The following BCL2L14 variants were observed in gnomAD, a reference collection of about 807,000 sequenced individuals.
BCL2L14 encodes apoptosis facilitator Bcl-2-like protein 14.
BCL2L14 carries 27 observed loss-of-function variants against 35.3 expected under a neutral mutation model. The observed-to-expected ratio is 0.76, with a 90% CI of 0.56 to 1.05. The LOEUF (loss-of-function observed/expected upper bound fraction) is 1.05. Among genes scored for constraint, BCL2L14 ranks in the 50% least tolerant of loss-of-function variants. BCL2L14 has a pLI of 0.00. For missense variants in BCL2L14, 377 were observed against 382.6 expected (o/e 0.99, Z 0.12); for synonymous variants, 139 against 145.9 (o/e 0.95, Z 0.34).
At chr12:12,081,597 C>G (rs574564048) in intron 2 of BCL2L14, among the ~76,000 whole-genome samples, 1 of 149,100 alleles carries the variant, frequency 6.7e-6, no homozygotes, top group South Asian at 2.1e-4. Flanking sequence ...CTTGCTCTGT[C>G]GCCCAGGCTG....
intron 2 of BCL2L14, among the ~76,000 whole-genome samples, chr12:12,057,755 T>TAAAAA (rs370379966): frequency 3.4e-4 from 41 of 120,364 alleles, no homozygotes; most frequent in African/African-American, 1.3e-3. Flanking sequence ...AAAACTCCAT[T>TAAAAA]AAAAAAAAAA....
At chr12:12,050,807 A>AAAAG (rs1565431457) in intron 1 of BCL2L14, among the ~76,000 whole-genome samples, 2 of 145,082 alleles carry the variant, frequency 1.4e-5, no homozygotes, top group African/African-American at 2.5e-5. Flanking sequence ...AAAAAAAAAA[A>AAAAG]AAAAAAGAAA....
Position 12,061,161 on chromosome 12 carries a change from A to G in BCL2L14, c.-272+9314A>G, listed in dbSNP as rs563244887. On this transcript the variant is annotated intron_variant, in intron 2 of 3. Coordinates refer to the BCL2L14 transcript ENST00000461264. Reference sequence around the variant, plus strand: ...TCCCTTATTAGACTGAGACACTTTAACTAAATTATCTGCTTCCCTGACTAT... The same window carrying G: ...TCCCTTATTAGACTGAGACACTTTAGCTAAATTATCTGCTTCCCTGACTAT... Among the ~76,000 whole-genome samples, 34 of 145,188 alleles carry G rather than the reference A, an allele frequency of 2.3e-4. No homozygotes were observed. The South Asian group carries it at 3.5e-3, about 15-fold the overall frequency.
intron 4 of BCL2L14, among the ~76,000 whole-genome samples, chr12:12,093,228 T>G (rs996027918): frequency 6.6e-6 from 1 of 152,114 alleles, no homozygotes; most frequent in Non-Finnish European, 1.5e-5. Context: ...TAAGTGAACA[T>G]TGCATGCAAG....
At chr12:12,095,127 T>C in intron 5 of BCL2L14, 197 bp downstream of exon 5, 1 of 985,364 alleles carries the variant, frequency 1.0e-6, no homozygotes, top group Non-Finnish European at 1.2e-6. Context: ...AAATATTTAC[T>C]GAGCTCTCCA....
At chr12:12,060,884 C>G (rs1490913116) in intron 2 of BCL2L14, among the ~76,000 whole-genome samples, 3 of 14,450 alleles carry the variant, frequency 2.1e-4, no homozygotes, top group Non-Finnish European at 4.1e-4. Flanking sequence ...CTTCGGAAGT[C>G]CCGTAGACCA....
chr12:12,058,312 A>T (rs1377193228), intron 2 of BCL2L14, among the ~76,000 whole-genome samples: 1 of 149,970 alleles, frequency 6.7e-6, no homozygotes, highest in Non-Finnish European at 1.5e-5. Flanking sequence ...GTGCAGTGGC[A>T]TGATGTCGGC....
At chr12:12,072,750 A>G (rs1591815072) in intron 1 of BCL2L14, among the ~76,000 whole-genome samples, 1 of 152,350 alleles carries the variant, frequency 6.6e-6, no homozygotes, top group East Asian at 1.9e-4. Flanking sequence ...TGAAAGCAGA[A>G]GGGATCTAAC....
intron 2 of BCL2L14, among the ~76,000 whole-genome samples, chr12:12,064,810 C>T (rs1565447347): frequency 6.6e-6 from 1 of 152,326 alleles, no homozygotes; most frequent in South Asian, 2.1e-4. Flanking sequence ...CTATGTTTAT[C>T]AGGAGTCTTC....
intron 4 of BCL2L14, among the ~76,000 whole-genome samples, chr12:12,091,402 C>A (rs550470490): frequency 6.6e-6 from 1 of 152,166 alleles, no homozygotes; most frequent in Non-Finnish European, 1.5e-5. Context: ...CAATCAGGAA[C>A]GGGTGAGAGT....
At position 12,064,989 on chromosome 12, in the gene BCL2L14, C is replaced by T. The variant is rs564179226; in HGVS notation, c.-271-12717C>T. On this transcript the variant is annotated intron_variant, in intron 2 of 3. Transcript: ENST00000461264. ...TCTATTATTTTGTCTTCACTCAAAC[C>T]ACAGATAAGAGGATCTTCCTACAGG... 2.0e-5 allele frequency among the ~76,000 whole-genome samples: 3 copies of T among 152,302 alleles called. No homozygotes were observed. In the South Asian group the frequency reaches 6.2e-4, roughly 32 times the overall value.
chr12:12,068,288 T>G (rs560855137), upstream of BCL2L14: 113 of 397,704 alleles, frequency 2.8e-4, 1 homozygote, highest in African/African-American at 1.6e-3. Flanking sequence ...CAAACATTGT[T>G]TAGTTATGTA....
upstream of BCL2L14, among the ~76,000 whole-genome samples, chr12:12,066,446 A>T (rs1948595044): frequency 6.6e-6 from 1 of 152,196 alleles, no homozygotes; most frequent in African/African-American, 2.4e-5. Flanking sequence ...TTTCCTGAGG[A>T]TGGGCTTTTT....
chr12:12,086,308 ACT>A (rs1168092916), intron 2 of BCL2L14, among the ~76,000 whole-genome samples: 1 of 152,078 alleles, frequency 6.6e-6, no homozygotes, highest in Middle Eastern at 3.2e-3. Context: ...ACAGAGTGAG[ACT>A]CTGTCTGGAA....
chr12:12,057,509 GCACTT>G (rs1948450369), intron 2 of BCL2L14, among the ~76,000 whole-genome samples: 1 of 152,174 alleles, frequency 6.6e-6, no homozygotes, highest in Non-Finnish European at 1.5e-5. Flanking sequence ...TGTAATCCCA[GCACTT>G]TGGGAGGCCG....
intron 3 of BCL2L14, among the ~76,000 whole-genome samples, chr12:12,089,787 A>T (rs1248738830): frequency 6.6e-6 from 1 of 152,198 alleles, no homozygotes; most frequent in East Asian, 1.9e-4. Context: ...GCCATAGGGG[A>T]ATTTATTAAT....
intron 2 of BCL2L14, among the ~76,000 whole-genome samples, chr12:12,082,194 C>T (rs1424749043): frequency 6.6e-6 from 1 of 152,228 alleles, no homozygotes; most frequent in Non-Finnish European, 1.5e-5. Context: ...AGCCTGGACT[C>T]ACCAGAAGTC....
chr12:12,079,218 G>A (rs1948851641), intron 1 of BCL2L14, 81 bp from the exon 2 acceptor site: 2 of 1,212,208 alleles, frequency 1.6e-6, no homozygotes, highest in Non-Finnish European at 1.2e-6. Context: ...TGTTTCCTGA[G>A]TTTTCACCCC....
chr12:12,096,217 T>C (rs1949308800), intron 5 of BCL2L14: 3 of 909,034 alleles, frequency 3.3e-6, no homozygotes, highest in Non-Finnish European at 3.9e-6. Flanking sequence ...AAATCATTGT[T>C]AGTCCTCTTA....
Sources: allele counts gnomAD v4.1 joint callset (sites outside exome capture counted in the v4.1 genomes callset), GRCh38; gene constraint gnomAD v4.1.1; transcripts MANE v1.5; gene names NCBI Gene and HGNC (gene_info 2026-07-23, HGNC 2026-07-21).